ZMIZ1: variants seen among roughly 807,000 people sequenced by gnomAD.
ZMIZ1 encodes zinc finger MIZ domain-containing protein 1.
A neutral mutation model predicts 113.9 loss-of-function variants in ZMIZ1; 17 were observed. That is an observed-to-expected ratio of 0.15 (90% CI 0.10 to 0.22). The LOEUF is 0.22. Ranked by LOEUF, ZMIZ1 falls within the 10% of genes least tolerant of loss-of-function variation. ZMIZ1 has a pLI of 1.00. For synonymous variants in ZMIZ1, 607 were observed against 603.1 expected (o/e 1.01, Z -0.09); for missense variants, 1,059 against 1,477.8 (o/e 0.72, Z 4.65).
rs527995934 is a variant in ZMIZ1 at position 79,076,388 on chromosome 10, C to T, written c.-337+7118C>T. Among the ~76,000 whole-genome samples the T allele has an allele frequency of 3.9e-5, 6 of 152,266 alleles. No individual in the cohort carries two copies. The East Asian group carries it at 1.2e-3, about 29-fold the overall frequency. On this transcript the variant is annotated intron_variant, in intron 1 of 24. Coordinates refer to ENST00000334512, the MANE Select transcript of ZMIZ1 (RefSeq NM_020338.4). ...GGGGTGGGGTTCACTTCTGAGTGCTCAGGGTGAGGACGAAGGATGGGGAGT... is the reference window on the plus strand; with the variant it reads ...GGGGTGGGGTTCACTTCTGAGTGCTTAGGGTGAGGACGAAGGATGGGGAGT...
At chr10:79,311,541 G>A (rs931280162) in intron 24 of ZMIZ1, among the ~76,000 whole-genome samples, 1 of 152,114 alleles carries the variant, frequency 6.6e-6, no homozygotes, top group African/African-American at 2.4e-5. Context: ...CTCTGGCCCG[G>A]GCAGGGAGGG....
In ZMIZ1 at chr10:79,131,305, C is replaced by G. The variant is rs543497473; in HGVS notation, c.-226-8377C>G. 6.6e-5 allele frequency among the ~76,000 whole-genome samples: 10 copies of G among 152,062 alleles called. No homozygotes were observed. In the East Asian group the frequency reaches 1.9e-3, roughly 29 times the overall value. On this transcript the variant is annotated intron_variant, in intron 2 of 24. Coordinates refer to ENST00000334512, the MANE Select transcript of ZMIZ1 (RefSeq NM_020338.4). The stretch of plus-strand genomic sequence containing the variant: ...AGCTACTCTGTGCAGGAGAACAGCA[C>G]GTGCCCACTCTGGCCTCTTCGGTGG...
intron 1 of ZMIZ1, among the ~76,000 whole-genome samples, chr10:79,076,276 TG>T (rs1444829647): frequency 1.3e-5 from 2 of 152,214 alleles, no homozygotes; most frequent in African/African-American, 4.8e-5. Flanking sequence ...GAGTGTGTGC[TG>T]TTGGCCTGGC....
intron 3 of ZMIZ1, among the ~76,000 whole-genome samples, chr10:79,157,588 C>G (rs576116067): frequency 3.3e-5 from 5 of 152,064 alleles, no homozygotes; most frequent in African/African-American, 1.2e-4. Context: ...GGGTGCATGG[C>G]TGGAGGGGTG....
At chr10:79,222,612 G>A (rs1157570948) in intron 7 of ZMIZ1, among the ~76,000 whole-genome samples, 3 of 152,190 alleles carry the variant, frequency 2.0e-5, no homozygotes, top group Non-Finnish European at 4.4e-5. Flanking sequence ...GAGGGGGGCT[G>A]AGACATGCCC....
At chr10:79,232,099 G>C (rs1266627071) in intron 7 of ZMIZ1, among the ~76,000 whole-genome samples, 1 of 152,220 alleles carries the variant, frequency 6.6e-6, no homozygotes, top group East Asian at 1.9e-4. Context: ...TGACTTTAAG[G>C]AACTGACTTA....
At chr10:79,165,960 G>GCGCGCGCGCGCA (rs1554860915) in intron 4 of ZMIZ1, among the ~76,000 whole-genome samples, 1 of 47,032 alleles carries the variant, frequency 2.1e-5, no homozygotes, top group East Asian at 7.5e-4. Context: ...GTGTGTGTGT[G>GCGCGCGCGCGCA]TGTGTGTGTG....
intron 5 of ZMIZ1, among the ~76,000 whole-genome samples, chr10:79,202,200 A>G: frequency 7.0e-6 from 1 of 142,412 alleles, no homozygotes; most frequent in East Asian, 2.0e-4. Flanking sequence ...AAAAAAAAAA[A>G]AAAAAAAAAA....
intron 4 of ZMIZ1, among the ~76,000 whole-genome samples, chr10:79,180,583 C>G (rs568046415): frequency 1.4e-4 from 22 of 152,204 alleles, no homozygotes; most frequent in African/African-American, 5.3e-4. Context: ...TGGGCTGCAC[C>G]CCTTCCTCCT....
At position 79,117,570 on chromosome 10, in the gene ZMIZ1, G is replaced by A. The variant is rs573354247; in HGVS notation, c.-336-1345G>A. On this transcript the variant is annotated intron_variant, in intron 1 of 24. Transcript: ENST00000334512. Reference sequence around the variant, plus strand: ...GAAGTTTTCATTTTCTGGCTGTTACGAATTGCCTTGCTACGAGCATTCTAA... The same window carrying A: ...GAAGTTTTCATTTTCTGGCTGTTACAAATTGCCTTGCTACGAGCATTCTAA... Among the ~76,000 whole-genome samples the A allele has an allele frequency of 5.9e-5, 9 of 152,338 alleles. 1 individual carries two copies. Among genetic ancestry groups the A allele is most frequent in the East Asian group, 1.9e-4 (1 of 5,188 alleles).
rs1464016797 is a variant in ZMIZ1, at chr10:79,069,337, CG to C, written c.-337+71del. 1 of 150,536 alleles carries C rather than the reference CG, an allele frequency of 6.6e-6. No homozygotes were observed. Among genetic ancestry groups the C allele is most frequent in the Non-Finnish European group, 1.5e-5 (1 of 67,456 alleles). The allele number at this position is 150,536 out of a possible 1,614,324, so 9.3% of individuals were successfully genotyped here. The stretch of plus-strand genomic sequence containing the variant: ...CTACCTCCCGCTCCCCGGGGACTCT[CG>C]GGGTGCAAGCGTGGGGATTGGGTGC... On this transcript the variant is annotated intron_variant, in intron 1 of 24. Coordinates refer to ENST00000334512, the MANE Select transcript of ZMIZ1 (RefSeq NM_020338.4). This position sits in a 1 kb window ranked among gnomAD's most constrained non-coding sequence, Gnocchi z 4.6.
intron 2 of ZMIZ1, among the ~76,000 whole-genome samples, chr10:79,121,198 GAT>G (rs1844273598): frequency 1.3e-5 from 2 of 152,198 alleles, no homozygotes. Flanking sequence ...TCCTCTCAGG[GAT>G]AGGTCATTTA....
chr10:79,155,109 T>G (rs1284976240), intron 3 of ZMIZ1, among the ~76,000 whole-genome samples: 1 of 152,198 alleles, frequency 6.6e-6, no homozygotes, highest in Non-Finnish European at 1.5e-5. Context: ...GCCTCTCTGA[T>G]GCATCGGAAC....
At chr10:79,311,552 C>T (rs1048379959) in intron 24 of ZMIZ1, among the ~76,000 whole-genome samples, 7 of 152,090 alleles carry the variant, frequency 4.6e-5, no homozygotes, top group Non-Finnish European at 1.0e-4. Context: ...GCAGGGAGGG[C>T]TGGAGGGAGA....
At chr10:79,128,003 G>A (rs915410941) in intron 2 of ZMIZ1, among the ~76,000 whole-genome samples, 2 of 152,220 alleles carry the variant, frequency 1.3e-5, no homozygotes, top group African/African-American at 4.8e-5. Context: ...TGCTTTGCAA[G>A]CATGCAGTTC....
intron 1 of ZMIZ1, among the ~76,000 whole-genome samples, chr10:79,072,834 C>T (rs1348454542): frequency 6.6e-6 from 1 of 152,234 alleles, no homozygotes; most frequent in Admixed American, 6.5e-5. Flanking sequence ...CAGGACACTG[C>T]TGCAGCCTTG....
At chr10:79,163,238 C>T (rs1231503934) in intron 4 of ZMIZ1, among the ~76,000 whole-genome samples, 2 of 152,234 alleles carry the variant, frequency 1.3e-5, no homozygotes, top group African/African-American at 4.8e-5. Context: ...TTAGCGCTTC[C>T]AGGGGCCTAG....
Position 79,312,697 on chromosome 10 carries a change from A to G in ZMIZ1, c.3152A>G (p.Asp1051Gly). 6.2e-7 allele frequency: 1 copy of G among 1,614,086 alleles called. No individual in the cohort carries two copies. Among genetic ancestry groups the G allele is most frequent in the Non-Finnish European group, 8.5e-7 (1 of 1,179,984 alleles). The change falls in exon 25 of 25, where the codon GAC (aspartate) becomes GGC (glycine). Residue 1051 changes from aspartate to glycine, a missense_variant. Asp to Gly is a moderately conservative substitution (Grantham distance 94). Coordinates refer to ENST00000334512, the MANE Select transcript of ZMIZ1 (RefSeq NM_020338.4). ...CTCCTGTCTTATCTGGACCCCCCCG[A>G]CCTGCCGAGCAATAGTAACGATGAC... The part of the protein sequence containing the change: ...DELLSYLDPP[D>G]LPSNSNDDLL...
In ZMIZ1 at chr10:79,251,866, G is replaced by C. The variant is rs576651288; in HGVS notation, c.281-25315G>C. Reference sequence around the variant, plus strand: ...GCCATTGTCCCAGGGGGTCAGGGCAGCAGCACCCAAAACAGAGAAACGCCC... The same window carrying C: ...GCCATTGTCCCAGGGGGTCAGGGCACCAGCACCCAAAACAGAGAAACGCCC... On this transcript the variant is annotated intron_variant, in intron 7 of 24. Coordinates refer to ENST00000334512, the MANE Select transcript of ZMIZ1 (RefSeq NM_020338.4). 2.4e-3 allele frequency among the ~76,000 whole-genome samples: 363 copies of C among 152,340 alleles called. 2 individuals carry two copies. Among genetic ancestry groups the C allele is most frequent in the Non-Finnish European group, 3.3e-3 (226 of 68,032 alleles).
Sources: gnomAD v4.1 joint callset for allele counts (sites outside exome capture counted in the v4.1 genomes callset) on GRCh38, gnomAD v4.1.1 for gene constraint, Gnocchi (gnomAD v3.1) non-coding constraint, MANE v1.5 for transcripts, NCBI Gene and HGNC (gene_info 2026-07-23, HGNC 2026-07-21) for gene names.